SH3RF3: variants seen among roughly 807,000 people sequenced by gnomAD.
The protein encoded by SH3RF3 is SH3 domain containing ring finger 3, also known as E3 ubiquitin-protein ligase SH3RF3.
SH3RF3 carries 29 observed loss-of-function variants against 66.3 expected under a neutral mutation model. The ratio of observed to expected loss-of-function variants is 0.44; its 90% CI spans 0.33 to 0.60. SH3RF3 has a LOEUF of 0.60. Among genes scored for constraint, SH3RF3 ranks in the 20% least tolerant of loss-of-function variants. SH3RF3 has a pLI of 0.04. For missense variants in SH3RF3, 1,194 were observed against 1,190.9 expected (o/e 1.00, Z -0.04); for synonymous variants, 583 against 532.0 (o/e 1.10, Z -1.32).
At chr2:109,432,293 C>A (rs371296546) in intron 5 of SH3RF3, among the ~76,000 whole-genome samples, 1 of 152,198 alleles carries the variant, frequency 6.6e-6, no homozygotes, top group Non-Finnish European at 1.5e-5. Flanking sequence ...GCAGGCAGCT[C>A]CCCGAAGGCT....
At chr2:109,136,346 A>T (rs1191918990) in intron 1 of SH3RF3, among the ~76,000 whole-genome samples, 1 of 152,092 alleles carries the variant, frequency 6.6e-6, no homozygotes, top group African/African-American at 2.4e-5. Context: ...TTCAGATTTG[A>T]TGAATGTGAA....
rs114335876 is a variant in SH3RF3, at chr2:109,188,759, G to A, written c.573+58646G>A. ...CTTTGAGACTCTGAGAGACACCATC[G>A]CAGAAGCCAAGCGTTACACTTTGGT... On this transcript the variant is annotated intron_variant, in intron 1 of 9. Transcript: ENST00000309415. Among the ~76,000 whole-genome samples the A allele has an allele frequency of 5.2e-3, 788 of 152,222 alleles. 7 individuals carry two copies. Among genetic ancestry groups the A allele is most frequent in the African/African-American group, 0.018 (752 of 41,550 alleles).
chr2:109,368,712 AAAAAAAAAAAAG>A (rs959172412), intron 2 of SH3RF3, among the ~76,000 whole-genome samples: 3 of 149,956 alleles, frequency 2.0e-5, no homozygotes, highest in Admixed American at 2.0e-4. Context: ...TTTCTTTAAA[AAAAAAAAAAAAG>A]AAAAAGAAAA....
chr2:109,422,989 C>T (rs1198468943), intron 5 of SH3RF3, among the ~76,000 whole-genome samples: 1 of 152,164 alleles, frequency 6.6e-6, no homozygotes, highest in Non-Finnish European at 1.5e-5. Context: ...TACCTGCAAT[C>T]TGAGAGCAAC....
At position 109,245,632 on chromosome 2, in the gene SH3RF3, C is replaced by T. The variant is rs896635315; in HGVS notation, c.574-102042C>T. On this transcript the variant is annotated intron_variant, in intron 1 of 9. Coordinates refer to ENST00000309415, the MANE Select transcript of SH3RF3 (RefSeq NM_001099289.3). ...TAAGTCTATATATAAAATAACTTTA[C>T]GAGTTTTCATATTTGCTTCTTATCC... 7.9e-5 allele frequency among the ~76,000 whole-genome samples: 12 copies of T among 152,146 alleles called. 1 individual carries two copies. The highest frequency in any genetic ancestry group is 3.9e-4 in the Admixed American group (6 of 15,280).
At chr2:109,263,053 C>T (rs761326343) in intron 1 of SH3RF3, among the ~76,000 whole-genome samples, 8 of 152,028 alleles carry the variant, frequency 5.3e-5, no homozygotes, top group Non-Finnish European at 1.2e-4. Context: ...ACCATATTGG[C>T]CAGGCTGGTC....
chr2:109,425,777 A>G (rs950221058), intron 5 of SH3RF3, among the ~76,000 whole-genome samples: 2 of 152,252 alleles, frequency 1.3e-5, no homozygotes, highest in Non-Finnish European at 2.9e-5. Context: ...GGAGATGTAC[A>G]AGGAGATGAA....
rs1303144422 is a variant in SH3RF3, at chr2:109,243,293, T to C, written c.574-104381T>C. On this transcript the variant is annotated intron_variant, in intron 1 of 9. Coordinates refer to ENST00000309415, the MANE Select transcript of SH3RF3 (RefSeq NM_001099289.3). ...GAGCCGGCGTCAGCCGTACACCGCA[T>C]GGATCCTGAGACTCCCGTGTGCTTT... 3.3e-5 allele frequency among the ~76,000 whole-genome samples: 5 copies of C among 152,270 alleles called. No homozygotes were observed. In the East Asian group the frequency reaches 9.6e-4, roughly 29 times the overall value.
At chr2:109,205,890 C>G (rs995315498) in intron 1 of SH3RF3, among the ~76,000 whole-genome samples, 8 of 152,152 alleles carry the variant, frequency 5.3e-5, no homozygotes, top group Non-Finnish European at 1.2e-4. Flanking sequence ...TCATAGAAAC[C>G]AACTGAAGGG....
chr2:109,131,038 A>C (rs1487988566), intron 1 of SH3RF3, among the ~76,000 whole-genome samples: 1 of 152,228 alleles, frequency 6.6e-6, no homozygotes, highest in Admixed American at 6.5e-5. Context: ...CTATTGGAAT[A>C]ATCATTTGCT....
At chr2:109,273,540 GT>G (rs1680674968) in intron 1 of SH3RF3, among the ~76,000 whole-genome samples, 1 of 152,240 alleles carries the variant, frequency 6.6e-6, no homozygotes, top group Admixed American at 6.5e-5. Flanking sequence ...CTGGGCACGT[GT>G]TTAGTGAATG....
rs138735115 is a variant in SH3RF3 at position 109,293,011 on chromosome 2, C to T, written c.574-54663C>T. 2.4e-4 allele frequency among the ~76,000 whole-genome samples: 36 copies of T among 152,288 alleles called. No homozygotes were observed. The South Asian group carries it at 5.8e-3, about 25-fold the overall frequency. ...CCTCCCAAAGTTCTGGGATTACAGG[C>T]GTGAGGCACCGCACCCCAATTTGAC... is the stretch of plus-strand genomic sequence containing the variant. On this transcript the variant is annotated intron_variant, in intron 1 of 9. Transcript: ENST00000309415.
At chr2:109,134,294 C>T (rs1263950019) in intron 1 of SH3RF3, among the ~76,000 whole-genome samples, 2 of 152,062 alleles carry the variant, frequency 1.3e-5, no homozygotes, top group South Asian at 2.1e-4. Flanking sequence ...GGGATGTTGT[C>T]GTGGTTCGGT....
At chr2:109,386,561 G>A (rs1417847428) in intron 3 of SH3RF3, among the ~76,000 whole-genome samples, 2 of 152,254 alleles carry the variant, frequency 1.3e-5, no homozygotes, top group Admixed American at 1.3e-4. Flanking sequence ...CGGCCCTTGA[G>A]TGTGAGTCCT....
intron 1 of SH3RF3, among the ~76,000 whole-genome samples, chr2:109,245,617 T>C (rs1188201063): frequency 6.6e-6 from 1 of 152,246 alleles, no homozygotes; most frequent in Non-Finnish European, 1.5e-5. Context: ...TAAGTCTATA[T>C]ATAAAATAAC....
chr2:109,495,229 C>T (rs1199362954), intron 9 of SH3RF3, among the ~76,000 whole-genome samples: 1 of 152,232 alleles, frequency 6.6e-6, no homozygotes, highest in Non-Finnish European at 1.5e-5. Flanking sequence ...ATGGGAAATG[C>T]AGGCAGCAAA....
intron 1 of SH3RF3, among the ~76,000 whole-genome samples, chr2:109,307,343 T>G (rs867870018): frequency 7.9e-5 from 12 of 152,146 alleles, no homozygotes; most frequent in Middle Eastern, 6.8e-3. Context: ...TGGCCAGAAG[T>G]TAGGAGGGGA....
At chr2:109,482,683 G>C (rs1375246140) in intron 8 of SH3RF3, among the ~76,000 whole-genome samples, 1 of 152,202 alleles carries the variant, frequency 6.6e-6, no homozygotes, top group Admixed American at 6.5e-5. Context: ...CAGCTTCCAA[G>C]AACAAGGATG....
intron 1 of SH3RF3, among the ~76,000 whole-genome samples, chr2:109,170,236 TCTTTTCTTTTCTC>T (rs764300785): frequency 1.9e-3 from 72 of 38,790 alleles, no homozygotes; most frequent in Non-Finnish European, 2.3e-3. Context: ...TCTCTTCTCT[TCTTTTCTTTTCTC>T]TTCTCTTCTC....
Sources: gnomAD v4.1 joint callset for allele counts (sites outside exome capture counted in the v4.1 genomes callset) on GRCh38, gnomAD v4.1.1 for gene constraint, MANE v1.5 for transcripts, NCBI Gene and HGNC (gene_info 2026-07-23, HGNC 2026-07-21) for gene names.